Variants in IAH1 observed in about 807,000 individuals in gnomAD.
IAH1 encodes isoamyl acetate hydrolyzing esterase 1 (putative).
A neutral mutation model predicts 26.7 loss-of-function variants in IAH1; 24 were observed. That is an observed-to-expected ratio of 0.90 (90% confidence interval 0.65 to 1.26). The LOEUF (loss-of-function observed/expected upper bound fraction) is 1.26, where lower values mean the gene tolerates loss of function less well. Among genes scored for constraint, IAH1 ranks in the 50% most tolerant of loss-of-function variants. The probability of loss-of-function intolerance (pLI) is 0.00; values close to 1 mark genes in which losing one functional copy is unlikely to be tolerated. For synonymous variants in IAH1, 140 were observed against 118.5 expected (o/e 1.18, Z -1.18); for missense variants, 300 against 299.9 (o/e 1.00, Z 0.00).
At chr2:9,508,915 A>G in the IAH1 span, among the ~76,000 whole-genome samples, 2 of 152,190 alleles carry the variant, frequency 1.3e-5, no homozygotes, top group African/African-American at 2.4e-5. Context: ...ATAAAACATA[A>G]CATGCAAAGT....
chr2:9,499,042 T>G (rs1467266765), downstream of IAH1, among the ~76,000 whole-genome samples: 3 of 152,090 alleles, frequency 2.0e-5, no homozygotes, highest in African/African-American at 7.2e-5. Flanking sequence ...CAATTTCCAT[T>G]TCTAATAAGC....
chr2:9,481,454 A>G lies in IAH1; in HGVS notation c.445+7A>G, dbSNP rs1194396511. 2 of 1,613,898 alleles carry G rather than the reference A, an allele frequency of 1.2e-6. No individual in the cohort carries two copies. The highest frequency in any genetic ancestry group is 1.7e-6 in the Non-Finnish European group (2 of 1,179,946). ...GAACAGTGCATCATACAAGGTAAAC[A>G]AACCACAGCCAATCTCGGCAAATCT... On this transcript the variant is annotated splice_region_variant and intron_variant, in intron 4 of 5. Coordinates refer to ENST00000497473, the MANE Select transcript of IAH1 (RefSeq NM_001039613.3).
At chr2:9,510,305 C>T in the IAH1 span, among the ~76,000 whole-genome samples, 1 of 152,114 alleles carries the variant, frequency 6.6e-6, no homozygotes, top group African/African-American at 2.4e-5. Flanking sequence ...GATTACTTTA[C>T]TCTAGGAGTT....
At chr2:9,507,809 T>G in the IAH1 span, among the ~76,000 whole-genome samples, 5 of 152,120 alleles carry the variant, frequency 3.3e-5, no homozygotes, top group African/African-American at 1.2e-4. Flanking sequence ...CGCCTTGAAC[T>G]CCCCGGGTTC....
chr2:9,504,243 G>C, the IAH1 span, among the ~76,000 whole-genome samples: 7 of 151,700 alleles, frequency 4.6e-5, no homozygotes, highest in South Asian at 1.5e-3. Context: ...TCAGGAGATC[G>C]AGACCATCCT....
the IAH1 span, among the ~76,000 whole-genome samples, chr2:9,503,502 G>A: frequency 7.9e-5 from 12 of 152,262 alleles, no homozygotes; most frequent in East Asian, 2.3e-3. Context: ...AAAAAACCTT[G>A]TTAAATCTTA....
the IAH1 span, among the ~76,000 whole-genome samples, chr2:9,511,318 C>T: frequency 2.0e-5 from 3 of 151,992 alleles, no homozygotes; most frequent in South Asian, 2.1e-4. Flanking sequence ...GGTGTGGTGG[C>T]GCACGCCTGT....
At position 9,474,687 on chromosome 2, in the gene IAH1, C is replaced by T; in HGVS notation, c.81+40C>T. 6.9e-7 allele frequency: 1 copy of T among 1,442,800 alleles called. No homozygotes were observed. The highest frequency in any genetic ancestry group is 9.4e-7 in the Non-Finnish European group (1 of 1,068,558). 89.4% of individuals were successfully genotyped at this position (1,442,800 alleles called of 1,614,324 possible). A position where few individuals can be genotyped will look rare whatever the true frequency, so the allele number is the denominator to read the frequency against. Reference sequence around the variant, plus strand: ...ACGCTCGGCCTCCCGCCCCGGCCTCCCTGCGGGGTCGCTGCCGAGCAGGCC... The same window carrying T: ...ACGCTCGGCCTCCCGCCCCGGCCTCTCTGCGGGGTCGCTGCCGAGCAGGCC... On this transcript the variant is annotated intron_variant, in intron 1 of 5. Coordinates refer to ENST00000497473, the MANE Select transcript of IAH1 (RefSeq NM_001039613.3). This position sits in a 1 kb window ranked among gnomAD's most constrained non-coding sequence, Gnocchi z 4.3.
At chr2:9,489,746 A>C (rs1056819058), downstream of IAH1, 4 of 143,116 alleles carry the variant, frequency 2.8e-5, no homozygotes, top group East Asian at 6.0e-4. Flanking sequence ...AAAAAAAAAA[A>C]AAACTATTCC....
the IAH1 span, chr2:9,510,048 C>A: frequency 1.2e-6 from 2 of 1,614,138 alleles, no homozygotes; most frequent in Non-Finnish European, 1.7e-6. Flanking sequence ...GGTCCTCATT[C>A]GGGGCACATT....
At chr2:9,509,991 G>A in the IAH1 span, 80 of 1,613,748 alleles carry the variant, frequency 5.0e-5, no homozygotes, top group Non-Finnish European at 5.7e-5. Flanking sequence ...TATTGTTCTC[G>A]TGATCGCCAC....
At chr2:9,493,343 A>C (rs537672178), downstream of IAH1, among the ~76,000 whole-genome samples, 1 of 152,340 alleles carries the variant, frequency 6.6e-6, no homozygotes, top group South Asian at 2.1e-4. Flanking sequence ...GACTCGTGAC[A>C]ACATGATATA....
chr2:9,490,352 C>T (rs751381392), downstream of IAH1: 53 of 1,614,020 alleles, frequency 3.3e-5, no homozygotes, highest in Non-Finnish European at 4.3e-5. Context: ...TGAGTCTGTG[C>T]TGGGGTCTTC....
Position 9,474,757 on chromosome 2 carries a change from G to T in IAH1, c.81+110G>T, listed in dbSNP as rs1006837196. On this transcript the variant is annotated intron_variant, in intron 1 of 5. Coordinates refer to ENST00000497473, the MANE Select transcript of IAH1 (RefSeq NM_001039613.3). The surrounding 1 kb of genome is among the most constrained non-coding windows in gnomAD (Gnocchi z 4.3). ...TTCGGCGCCCGAGACGGCTGGGCCG[G>T]AGGCCTGGCCACGCCCGTGGAGACA... The T allele has an allele frequency of 1.2e-6, 1 of 836,856 alleles. No individual in the cohort carries two copies. The highest frequency in any genetic ancestry group is 3.8e-5 in the Admixed American group (1 of 26,548). 51.8% of individuals were successfully genotyped at this position (836,856 alleles called of 1,614,324 possible).
At chr2:9,476,917 CTG>C (rs1660835328) in intron 2 of IAH1, among the ~76,000 whole-genome samples, 1 of 152,210 alleles carries the variant, frequency 6.6e-6, no homozygotes, top group African/African-American at 2.4e-5. Context: ...CCTGACAACT[CTG>C]TCACACAGGC....
chr2:9,481,425 G>A lies in IAH1; in HGVS notation c.423G>A (p.Trp141Ter). 2 of 1,614,096 alleles carry A rather than the reference G, an allele frequency of 1.2e-6. No homozygotes were observed. Among genetic ancestry groups the A allele is most frequent in the Non-Finnish European group, 1.7e-6 (2 of 1,180,022 alleles). ...CGACCCCACTTTGTGAAACAGCCTG[G>A]GAAGAACAGTGCATCATACAAGGTA... ...ITPTPLCETA[W>*]EEQCIIQGCK... The change falls in exon 4 of 6, where the codon TGG becomes TGA. Residue 141 changes from tryptophan (W) to a stop codon, truncating the protein, a stop_gained. Coordinates refer to ENST00000497473, the MANE Select transcript of IAH1 (RefSeq NM_001039613.3). LOFTEE classifies it high-confidence loss of function.
intron 3 of IAH1, chr2:9,480,883 TATC>T (rs1661129715): frequency 6.2e-6 from 1 of 161,994 alleles, no homozygotes; most frequent in African/African-American, 2.4e-5. Context: ...GAGACCTTAT[TATC>T]TTCATTTTCC....
rs1682375266 is a variant in IAH1, at chr2:9,474,725, C to T, written c.81+78C>T. ...TGCCGAGCAGGCCGAGGCTCCTCGC[C>T]GTCCTCTTCGGCGCCCGAGACGGCT... On this transcript the variant is annotated intron_variant, in intron 1 of 5. Transcript: ENST00000497473. This position sits in a 1 kb window ranked among gnomAD's most constrained non-coding sequence, Gnocchi z 4.3. 2.6e-6 allele frequency: 3 copies of T among 1,147,834 alleles called. No homozygotes were observed. The highest frequency in any genetic ancestry group is 3.6e-6 in the Non-Finnish European group (3 of 835,662). 71.1% of individuals were successfully genotyped at this position (1,147,834 alleles called of 1,614,324 possible). A position where few individuals can be genotyped will look rare whatever the true frequency, so the allele number is the denominator to read the frequency against.
chr2:9,493,833 GA>G (rs781236050), downstream of IAH1: 14 of 1,610,304 alleles, frequency 8.7e-6, no homozygotes, highest in South Asian at 1.3e-4. Flanking sequence ...GCCCTATGAA[GA>G]AAAAACATAC....
Sources: allele counts gnomAD v4.1 joint callset (sites outside exome capture counted in the v4.1 genomes callset), GRCh38; gene constraint gnomAD v4.1.1; non-coding constraint Gnocchi (gnomAD v3.1); transcripts MANE v1.5; gene names NCBI Gene and HGNC (gene_info 2026-07-23, HGNC 2026-07-21).